CHSY1: variants seen among roughly 807,000 people sequenced by gnomAD.
CHSY1 encodes N-acetylgalactosaminyl-proteoglycan 3-beta-glucuronosyltransferase 1.
CHSY1 carries 13 observed loss-of-function variants against 59.8 expected under a neutral mutation model. That is an observed-to-expected ratio of 0.22 (90% CI 0.14 to 0.35). CHSY1 has a LOEUF of 0.35. Ranked by LOEUF, CHSY1 falls within the 10% of genes least tolerant of loss-of-function variation. The pLI, the probability that CHSY1 is intolerant of heterozygous loss-of-function variation, is 1.00. For synonymous variants in CHSY1, 459 were observed against 401.2 expected (o/e 1.14, Z -1.72); for missense variants, 947 against 1,030.6 (o/e 0.92, Z 1.11).
rs901227364 is a variant in CHSY1, at chr15:101,195,682, G to A, written c.817-16702C>T. On this transcript the variant is annotated intron_variant, in intron 2 of 2. Transcript: ENST00000254190. ...TAAAAATACAAAAACAAAATTAACC[G>A]GGCGTGGTGGCGGGTGCCTGTAGTC... Among the ~76,000 whole-genome samples, 4 of 152,108 alleles carry A rather than the reference G, an allele frequency of 2.6e-5. No individual in the cohort carries two copies. In the South Asian group the frequency reaches 6.2e-4, roughly 24 times the overall value.
rs1387705822 is a variant in CHSY1 at position 101,251,280 on chromosome 15, G to C, written c.177C>G (p.Gly59=). ...RSGQAAASQA[G]GARGDARGAQ... is the part of the protein sequence containing the mutation. ...CCCCGCGCGCATCGCCGCGCGCCCC[G>C]CCGGCCTGGGAAGCCGCCGCCTGCC... The change falls in exon 1 of 3, where the codon GGC becomes GGG. Residue 59 remains glycine, a synonymous_variant. Coordinates refer to ENST00000254190, the MANE Select transcript of CHSY1 (RefSeq NM_014918.5). The C allele has an allele frequency of 3.1e-6, 4 of 1,282,214 alleles. 1 individual carries two copies. The highest frequency in any genetic ancestry group is 3.9e-6 in the Non-Finnish European group (4 of 1,017,976). 79.4% of individuals were successfully genotyped at this position (1,282,214 alleles called of 1,614,324 possible).
intron 2 of CHSY1, among the ~76,000 whole-genome samples, chr15:101,191,548 C>A (rs1431551034): frequency 6.6e-6 from 1 of 152,108 alleles, no homozygotes; most frequent in African/African-American, 2.4e-5. Flanking sequence ...AAGAGTGACT[C>A]CTATTGTAAA....
intron 2 of CHSY1, among the ~76,000 whole-genome samples, chr15:101,222,384 G>A (rs756185719): frequency 1.3e-5 from 2 of 152,172 alleles, no homozygotes; most frequent in Non-Finnish European, 2.9e-5. Flanking sequence ...TGTAAAGATG[G>A]CAGAGACAGT....
intron 2 of CHSY1, among the ~76,000 whole-genome samples, chr15:101,228,433 A>T (rs2038861867): frequency 6.6e-6 from 1 of 152,212 alleles, no homozygotes; most frequent in South Asian, 2.1e-4. Flanking sequence ...ATCCTAATCA[A>T]ACTGTTAAAA....
intron 2 of CHSY1, among the ~76,000 whole-genome samples, chr15:101,179,819 G>T (rs1269955535): frequency 6.6e-6 from 1 of 152,240 alleles, no homozygotes; most frequent in Non-Finnish European, 1.5e-5. Context: ...GACAGCATAA[G>T]CTTACGGGCC....
At chr15:101,224,823 G>C (rs1567102183) in intron 2 of CHSY1, among the ~76,000 whole-genome samples, 1 of 152,292 alleles carries the variant, frequency 6.6e-6, no homozygotes, top group East Asian at 1.9e-4. Context: ...CTGCACCTCT[G>C]TTCCCTCACC....
intron 2 of CHSY1, among the ~76,000 whole-genome samples, chr15:101,226,109 T>C (rs190740793): frequency 6.6e-6 from 1 of 152,158 alleles, no homozygotes; most frequent in Non-Finnish European, 1.5e-5. Context: ...AAAATAGTCT[T>C]CCCTAAATTG....
Position 101,177,820 on chromosome 15 carries a change from G to T in CHSY1, c.1977C>A (p.Ile659=). Residue 659 remains isoleucine, a synonymous_variant, in exon 3 of 3, where the codon ATC becomes ATA. Transcript: ENST00000254190. ...VLGQQIYFPI[I]FSQYDPKIVY... ...CAATCTTTGGGTCATACTGGCTGAAGATGATTGGAAAATATATTTGTTGGC... is the reference window on the plus strand; with the variant it reads ...CAATCTTTGGGTCATACTGGCTGAATATGATTGGAAAATATATTTGTTGGC... The T allele has an allele frequency of 1.2e-6, 2 of 1,614,216 alleles. No homozygotes were observed. The highest frequency in any genetic ancestry group is 1.7e-6 in the Non-Finnish European group (2 of 1,180,034).
intron 2 of CHSY1, among the ~76,000 whole-genome samples, chr15:101,184,423 C>T (rs946779219): frequency 4.6e-5 from 7 of 151,452 alleles, no homozygotes; most frequent in African/African-American, 1.7e-4. Flanking sequence ...TTCTGTCATC[C>T]AGGCTGGAGT....
At chr15:101,234,993 A>C in intron 2 of CHSY1, 89 bp downstream of exon 2, 2 of 1,514,598 alleles carry the variant, frequency 1.3e-6, no homozygotes, top group Non-Finnish European at 1.8e-6. Flanking sequence ...CAAAGAGGAT[A>C]TCATCTCTAG....
At chr15:101,226,925 C>A (rs1307132655) in intron 2 of CHSY1, among the ~76,000 whole-genome samples, 1 of 152,008 alleles carries the variant, frequency 6.6e-6, no homozygotes, top group Non-Finnish European at 1.5e-5. Context: ...GAGCTAAGTC[C>A]CCATAACAGA....
intron 2 of CHSY1, 44 bp from the exon 3 acceptor site, chr15:101,179,024 A>G: frequency 6.3e-7 from 1 of 1,579,210 alleles, no homozygotes; most frequent in Non-Finnish European, 8.7e-7. Flanking sequence ...GTATTGTATG[A>G]TTGAGTGCCA....
chr15:101,218,965 C>T (rs896961130), intron 2 of CHSY1, among the ~76,000 whole-genome samples: 2 of 152,156 alleles, frequency 1.3e-5, no homozygotes, highest in Non-Finnish European at 2.9e-5. Context: ...CAGTATCATA[C>T]AGAAAAAGAA....
At chr15:101,189,286 CCT>C (rs2038412735) in intron 2 of CHSY1, 2 of 300,698 alleles carry the variant, frequency 6.7e-6, no homozygotes, top group Non-Finnish European at 9.8e-6. Context: ...CTCTCAGCAC[CCT>C]CTCCACTCCA....
At chr15:101,208,628 G>C (rs1008386786) in intron 2 of CHSY1, among the ~76,000 whole-genome samples, 1 of 150,490 alleles carries the variant, frequency 6.6e-6, no homozygotes, top group African/African-American at 2.5e-5. Flanking sequence ...CATGAGAATT[G>C]CTTGAACCCA....
chr15:101,239,775 T>C (rs1225228237), intron 1 of CHSY1, among the ~76,000 whole-genome samples: 1 of 152,164 alleles, frequency 6.6e-6, no homozygotes. Flanking sequence ...CAGACAATGT[T>C]ACAGGAAAGA....
intron 2 of CHSY1, among the ~76,000 whole-genome samples, chr15:101,205,704 T>C (rs189487306): frequency 1.3e-3 from 194 of 152,200 alleles, no homozygotes; most frequent in Non-Finnish European, 1.3e-3. Flanking sequence ...GTAATCCCAG[T>C]ACTTTGGGAG....
At chr15:101,239,826 C>A (rs750864065) in intron 1 of CHSY1, among the ~76,000 whole-genome samples, 1 of 151,182 alleles carries the variant, frequency 6.6e-6, no homozygotes, top group East Asian at 1.9e-4. Context: ...CGGTAGAGCA[C>A]GAGAAACTTC....
intron 1 of CHSY1, among the ~76,000 whole-genome samples, chr15:101,250,707 C>T (rs535086797): frequency 6.6e-6 from 1 of 152,352 alleles, no homozygotes; most frequent in East Asian, 1.9e-4. Context: ...TTAACGTACA[C>T]GGGCTCCAGC....
Sources: allele counts gnomAD v4.1 joint callset (sites outside exome capture counted in the v4.1 genomes callset), GRCh38; gene constraint gnomAD v4.1.1; transcripts MANE v1.5; gene names NCBI Gene and HGNC (gene_info 2026-07-23, HGNC 2026-07-21).